POLR2F: variants seen among roughly 807,000 people sequenced by gnomAD.
The protein encoded by POLR2F is RNA polymerase II, I and III subunit F, also known as DNA-directed RNA polymerases I, II, and III subunit RPABC2.
POLR2F carries 12 observed loss-of-function variants against 22.7 expected under a neutral mutation model. The observed-to-expected ratio is 0.53, with a 90% CI of 0.34 to 0.86. The LOEUF (loss-of-function observed/expected upper bound fraction) is 0.86. Ranked by LOEUF, POLR2F falls within the 40% of genes least tolerant of loss-of-function variation. The pLI, the probability that POLR2F is intolerant of heterozygous loss-of-function variation, is 0.02. For synonymous variants in POLR2F, 57 were observed against 66.0 expected (o/e 0.86, Z 0.66); for missense variants, 126 against 171.5 (o/e 0.73, Z 1.48).
chr22:37,990,985 T>G (rs1932715468), intron 1 of POLR2F, among the ~76,000 whole-genome samples: 1 of 152,174 alleles, frequency 6.6e-6, no homozygotes, highest in African/African-American at 2.4e-5. Context: ...TGCTTCCTCT[T>G]TTTAGAGATG....
intron 1 of POLR2F, among the ~76,000 whole-genome samples, chr22:38,021,095 TG>T (rs750225642): frequency 3.2e-4 from 48 of 152,130 alleles, no homozygotes; most frequent in Non-Finnish European, 5.4e-4. Context: ...GGACCTTTCC[TG>T]GGGCGCACAC....
downstream of POLR2F, chr22:38,041,406 GC>G: frequency 2.4e-6 from 1 of 411,770 alleles, no homozygotes; most frequent in Admixed American, 3.9e-5. Flanking sequence ...GAGGATCCAG[GC>G]GGGGGATGGA....
At chr22:37,996,414 G>A (rs1482238912) in intron 1 of POLR2F, among the ~76,000 whole-genome samples, 2 of 152,256 alleles carry the variant, frequency 1.3e-5, no homozygotes, top group African/African-American at 4.8e-5. Flanking sequence ...GGCACTAGGG[G>A]GACAAGGGCG....
intron 1 of POLR2F, among the ~76,000 whole-genome samples, chr22:38,019,228 G>A (rs1569181995): frequency 6.6e-6 from 1 of 151,982 alleles, no homozygotes; most frequent in African/African-American, 2.4e-5. Context: ...TCAGAGTAGG[G>A]GTAAGATGAC....
chr22:38,037,740 G>A (rs1410979775), intron 5 of POLR2F, among the ~76,000 whole-genome samples: 5 of 151,994 alleles, frequency 3.3e-5, no homozygotes, highest in African/African-American at 7.3e-5. Flanking sequence ...CTACAGGCAC[G>A]TGCCACCATT....
chr22:37,964,019 TTGA>T (rs926836072), intron 3 of POLR2F, among the ~76,000 whole-genome samples: 7 of 151,870 alleles, frequency 4.6e-5, no homozygotes, highest in African/African-American at 1.7e-4. Context: ...AGAGAATCGC[TTGA>T]ACCTGGGAGG....
At chr22:37,998,230 T>G (rs928600260) in intron 1 of POLR2F, among the ~76,000 whole-genome samples, 3 of 152,212 alleles carry the variant, frequency 2.0e-5, no homozygotes, top group African/African-American at 7.2e-5. Context: ...CAATTTATCC[T>G]GTGATCAAAA....
chr22:37,994,781 C>T (rs1569175438), intron 1 of POLR2F, among the ~76,000 whole-genome samples: 1 of 152,034 alleles, frequency 6.6e-6, no homozygotes, highest in Non-Finnish European at 1.5e-5. Flanking sequence ...GCTGGGATTA[C>T]AGGCGTGAGC....
At chr22:38,003,330 G>A (rs1273081903) in intron 1 of POLR2F, among the ~76,000 whole-genome samples, 3 of 151,668 alleles carry the variant, frequency 2.0e-5, no homozygotes, top group African/African-American at 2.4e-5. Context: ...GGGTTCGAGC[G>A]ATTCTCCCGC....
chr22:38,015,322 A>G (rs2145814386), intron 1 of POLR2F, among the ~76,000 whole-genome samples: 1 of 152,328 alleles, frequency 6.6e-6, no homozygotes, highest in East Asian at 1.9e-4. Flanking sequence ...AGACAGGCTC[A>G]GGGTGTTGTC....
Position 37,968,237 on chromosome 22 carries a change from G to C in POLR2F, c.*522G>C. On this transcript the variant is annotated 3_prime_UTR_variant, in exon 5 of 5. Transcript: ENST00000442738. ...GAGCAGTGCCCCAGCAGGAAGCGTG[G>C]GGGTGTGCTGATCTCCCACCCTCCC... 4.1e-6 allele frequency: 4 copies of C among 985,466 alleles called. No individual in the cohort carries two copies. Among genetic ancestry groups the C allele is most frequent in the Non-Finnish European group, 4.8e-6 (4 of 829,992 alleles). The allele number at this position is 985,466 out of a possible 1,614,324, so 61.0% of individuals were successfully genotyped here.
At chr22:38,020,013 T>TA (rs1171647003) in intron 1 of POLR2F, among the ~76,000 whole-genome samples, 16 of 145,704 alleles carry the variant, frequency 1.1e-4, no homozygotes, top group Admixed American at 1.4e-4. Flanking sequence ...AAACTCTGTC[T>TA]AAAAAAAAAA....
intron 1 of POLR2F, among the ~76,000 whole-genome samples, chr22:38,000,067 G>A (rs983280556): frequency 2.2e-4 from 33 of 152,170 alleles, no homozygotes; most frequent in Non-Finnish European, 3.2e-4. Flanking sequence ...CAGACCTCCT[G>A]TGTGCCAGCG....
chr22:37,959,406 C>T lies in POLR2F; in HGVS notation c.151C>T (p.Arg51Ter), dbSNP rs752411216. 1.2e-5 allele frequency: 19 copies of T among 1,614,104 alleles called. No homozygotes were observed. Among genetic ancestry groups the T allele is most frequent in the Non-Finnish European group, 1.5e-5 (18 of 1,179,988 alleles). Residue 51 changes from arginine to a stop codon, truncating the protein, a stop_gained, in exon 3 of 5, where the codon CGA becomes TGA. Transcript: ENST00000442738. LOFTEE classifies it high-confidence loss of function. ...GGAGCGACCGCAGGCCAACCAGAAG[C>T]GAATCACCACACCATACATGACCAA... is the stretch of plus-strand genomic sequence containing the variant. ...SGERPQANQK[R>*]ITTPYMTKYE...
chr22:37,954,008 C>G, intron 1 of POLR2F: 1 of 623,654 alleles, frequency 1.6e-6, no homozygotes, highest in Non-Finnish European at 2.8e-6. Context: ...GGCCCAGGCT[C>G]GAGGGTCCAG....
chr22:37,973,684 G>T, downstream of POLR2F: 1 of 1,610,172 alleles, frequency 6.2e-7, no homozygotes, highest in Non-Finnish European at 8.5e-7. Flanking sequence ...AGGGCTGATG[G>T]TCAGAGTAGT....
At chr22:38,028,486 G>A (rs1436931336), downstream of POLR2F, among the ~76,000 whole-genome samples, 1 of 151,932 alleles carries the variant, frequency 6.6e-6, no homozygotes, top group Non-Finnish European at 1.5e-5. Context: ...GCATCTGTGT[G>A]TGCGTGTGTG....
intron 3 of POLR2F, among the ~76,000 whole-genome samples, chr22:37,964,320 ACTC>A (rs940101403): frequency 1.3e-5 from 2 of 151,922 alleles, no homozygotes; most frequent in African/African-American, 2.4e-5. Flanking sequence ...TTTTGTGGGT[ACTC>A]CAGGTGCCAG....
At chr22:38,025,585 C>A (rs2085000975) in intron 1 of POLR2F, 2 of 1,508,974 alleles carry the variant, frequency 1.3e-6, no homozygotes, top group Admixed American at 4.6e-5. Flanking sequence ...CCAGACTTCT[C>A]TGGGGGCTGG....
Sources: gnomAD v4.1 joint callset for allele counts (sites outside exome capture counted in the v4.1 genomes callset) on GRCh38, gnomAD v4.1.1 for gene constraint, MANE v1.5 for transcripts, NCBI Gene and HGNC (gene_info 2026-07-23, HGNC 2026-07-21) for gene names.